The following NOVA1 variants were observed in gnomAD, a reference collection of about 807,000 sequenced individuals.
NOVA1 encodes RNA-binding protein Nova-1.
In NOVA1, 7 loss-of-function variants were observed where a neutral mutation model predicts 38.0. That is an observed-to-expected ratio of 0.18 (90% CI 0.10 to 0.35). NOVA1 has a LOEUF of 0.35. Ranked by LOEUF, NOVA1 falls within the 10% of genes least tolerant of loss-of-function variation. The pLI is 1.00. For missense variants in NOVA1, 460 were observed against 616.0 expected, an observed-to-expected ratio of 0.75 and a Z score of 2.68; for synonymous variants, 270 against 232.5, an observed-to-expected ratio of 1.16 and a Z score of -1.47.
intron 2 of NOVA1, among the ~76,000 whole-genome samples, chr14:26,480,774 ATAGGTACACTG>A (rs1466027502): frequency 1.6e-4 from 25 of 152,126 alleles, no homozygotes; most frequent in Non-Finnish European, 3.2e-4. Flanking sequence ...CTGGCACACA[ATAGGTACACTG>A]TAAACATTTG....
intron 4 of NOVA1, among the ~76,000 whole-genome samples, chr14:26,463,573 G>A (rs949355185): frequency 2.6e-5 from 4 of 152,032 alleles, no homozygotes; most frequent in African/African-American, 9.7e-5. Flanking sequence ...GCCGTGATAC[G>A]AATTAACTGT....
rs541236519 is a variant in NOVA1, at chr14:26,591,015, C to T, written c.280+4395G>A. Among the ~76,000 whole-genome samples, 6 of 151,484 alleles carry T rather than the reference C, an allele frequency of 4.0e-5. No homozygotes were observed. The East Asian group carries it at 1.2e-3, about 29-fold the overall frequency. On this transcript the variant is annotated intron_variant, in intron 2 of 4. Coordinates refer to ENST00000539517, the MANE Select transcript of NOVA1 (RefSeq NM_002515.3). The stretch of plus-strand genomic sequence containing the variant: ...AGTGCTAATTCATCTTTCTAAAAAC[C>T]CCACAAAACATCTGCATACACAAGA...
At position 26,447,969 on chromosome 14, in the gene NOVA1, T is replaced by G. The variant is rs1458629333; in HGVS notation, c.1514A>C (p.Lys505Thr). 1 of 1,613,754 alleles carries G rather than the reference T, an allele frequency of 6.2e-7. No individual in the cohort carries two copies. Among genetic ancestry groups the G allele is most frequent in the Non-Finnish European group, 8.5e-7 (1 of 1,179,830 alleles). Residue 505 changes from lysine (K) to threonine (T), a missense_variant, in exon 5 of 5, where the codon AAA (lysine) becomes ACA (threonine). Coordinates refer to ENST00000539517, the MANE Select transcript of NOVA1 (RefSeq NM_002515.3). ...GTGTAACTGGGGCACTCAACCCACTTTCTGAGGATTGGCAGCCCGAACTCC... is the reference window on the plus strand; with the variant it reads ...GTGTAACTGGGGCACTCAACCCACTGTCTGAGGATTGGCAGCCCGAACTCC... ...EQGVRAANPQ[K>T]VG
chr14:26,450,194 G>C (rs1016089485), intron 4 of NOVA1, among the ~76,000 whole-genome samples: 3 of 152,048 alleles, frequency 2.0e-5, no homozygotes, highest in Non-Finnish European at 4.4e-5. Flanking sequence ...TATTCTATGA[G>C]GGATTTCATT....
chr14:26,589,695 G>A (rs549439017), intron 2 of NOVA1, among the ~76,000 whole-genome samples: 2 of 151,690 alleles, frequency 1.3e-5, no homozygotes, highest in Non-Finnish European at 3.0e-5. Flanking sequence ...TTTTACATAT[G>A]TACTGGTGGC....
intron 2 of NOVA1, among the ~76,000 whole-genome samples, chr14:26,506,459 CAGAGTAAA>C (rs1408932494): frequency 6.6e-6 from 1 of 152,158 alleles, no homozygotes; most frequent in Non-Finnish European, 1.5e-5. Flanking sequence ...GCCACATTGC[CAGAGTAAA>C]AGAGTAAAAT....
intron 2 of NOVA1, among the ~76,000 whole-genome samples, chr14:26,487,122 A>G (rs1274774338): frequency 1.3e-5 from 2 of 152,186 alleles, no homozygotes; most frequent in Admixed American, 1.3e-4. Context: ...ATAATGAGTC[A>G]GCAAAAGCTC....
chr14:26,572,429 T>G (rs905438356), intron 2 of NOVA1, among the ~76,000 whole-genome samples: 1 of 152,088 alleles, frequency 6.6e-6, no homozygotes, highest in African/African-American at 2.4e-5. Context: ...TGACACTGAG[T>G]TATTTATCTA....
chr14:26,484,460 A>C (rs1885725537), intron 2 of NOVA1, among the ~76,000 whole-genome samples: 1 of 121,450 alleles, frequency 8.2e-6, no homozygotes, highest in African/African-American at 3.0e-5. Flanking sequence ...AAAAAAAAAA[A>C]AAGAAATTAA....
chr14:26,491,660 C>A (rs182274051), intron 2 of NOVA1, among the ~76,000 whole-genome samples: 2 of 152,132 alleles, frequency 1.3e-5, no homozygotes, highest in East Asian at 1.9e-4. Context: ...TCCACTCTTG[C>A]ATGTGGAAAT....
At chr14:26,467,716 A>G (rs566984409) in intron 4 of NOVA1, among the ~76,000 whole-genome samples, 1 of 152,210 alleles carries the variant, frequency 6.6e-6, no homozygotes, top group Admixed American at 6.5e-5. Flanking sequence ...GTTTTAGACA[A>G]GAGCAGGGAA....
At chr14:26,571,483 A>C (rs1769970380) in intron 2 of NOVA1, among the ~76,000 whole-genome samples, 1 of 152,230 alleles carries the variant, frequency 6.6e-6, no homozygotes, top group Admixed American at 6.5e-5. Context: ...ACATGACATG[A>C]CAATGACGCA....
rs1349348658 is a variant in NOVA1 at position 26,557,237 on chromosome 14, G to GA, written c.280+38172dup. ...GGACATAGTATCTCCTTAGGGAAGT[G>GA]AAAATTAAAACAACAATAAGATACC... On this transcript the variant is annotated intron_variant, in intron 2 of 4. Coordinates refer to ENST00000539517, the MANE Select transcript of NOVA1 (RefSeq NM_002515.3). Among the ~76,000 whole-genome samples the GA allele has an allele frequency of 2.6e-5, 4 of 152,254 alleles. No individual in the cohort carries two copies. The East Asian group carries it at 5.8e-4, about 22-fold the overall frequency.
chr14:26,527,743 G>A (rs1339115758), intron 2 of NOVA1, among the ~76,000 whole-genome samples: 1 of 152,110 alleles, frequency 6.6e-6, no homozygotes, highest in Non-Finnish European at 1.5e-5. Context: ...CAGTAGAGAG[G>A]CCATACTATT....
At chr14:26,586,219 A>T (rs1336966306) in intron 2 of NOVA1, among the ~76,000 whole-genome samples, 1 of 151,360 alleles carries the variant, frequency 6.6e-6, no homozygotes, top group Non-Finnish European at 1.5e-5. Flanking sequence ...AATCACATTA[A>T]GTACTTTTAT....
At chr14:26,512,185 T>C (rs958996306) in intron 2 of NOVA1, among the ~76,000 whole-genome samples, 1 of 152,240 alleles carries the variant, frequency 6.6e-6, no homozygotes. Flanking sequence ...TATATATTTA[T>C]TCCTGAATTA....
chr14:26,496,376 A>G (rs374655783), intron 2 of NOVA1, among the ~76,000 whole-genome samples: 4 of 151,922 alleles, frequency 2.6e-5, no homozygotes, highest in Non-Finnish European at 4.4e-5. Flanking sequence ...TCAGTTCATT[A>G]TAGATTCTGG....
intron 2 of NOVA1, among the ~76,000 whole-genome samples, chr14:26,495,497 T>A (rs1270679832): frequency 6.6e-6 from 1 of 152,180 alleles, no homozygotes; most frequent in Non-Finnish European, 1.5e-5. Context: ...AAGCTTTTTT[T>A]TGTTGTTGTT....
intron 2 of NOVA1, among the ~76,000 whole-genome samples, chr14:26,501,062 C>A (rs111316500): frequency 1.5e-4 from 23 of 152,022 alleles, no homozygotes; most frequent in African/African-American, 5.3e-4. Context: ...CCTCTTAATA[C>A]CCTTACCAAG....
Sources: allele counts gnomAD v4.1 joint callset (sites outside exome capture counted in the v4.1 genomes callset), GRCh38; gene constraint gnomAD v4.1.1; transcripts MANE v1.5; gene names NCBI Gene and HGNC (gene_info 2026-07-23, HGNC 2026-07-21).